The following SGCZ variants were observed in gnomAD, a reference collection of about 807,000 sequenced individuals.
SGCZ encodes the protein zeta-sarcoglycan.
A neutral mutation model predicts 41.3 loss-of-function variants in SGCZ; 40 were observed. That is an observed-to-expected ratio of 0.97 (90% CI 0.75 to 1.26). The LOEUF (loss-of-function observed/expected upper bound fraction) is 1.26, where lower values mean the gene tolerates loss of function less well. Among genes scored for constraint, SGCZ ranks in the 50% most tolerant of loss-of-function variants. The pLI is 0.00. For synonymous variants in SGCZ, 206 were observed against 137.5 expected (o/e 1.50, Z -3.49); for missense variants, 552 against 369.8 (o/e 1.49, Z -4.04).
At chr8:14,749,597 G>C (rs150976171) in intron 1 of SGCZ, among the ~76,000 whole-genome samples, 149 of 152,098 alleles carry the variant, frequency 9.8e-4, no homozygotes, top group African/African-American at 3.5e-3. Flanking sequence ...TCTATTCTGG[G>C]ACATTTTTCA....
intron 4 of SGCZ, among the ~76,000 whole-genome samples, chr8:14,193,310 C>T (rs1805163529): frequency 1.4e-5 from 2 of 141,154 alleles, no homozygotes. Flanking sequence ...TCATCTCCCT[C>T]TTTCCTATAA....
chr8:14,663,117 C>T (rs765528873), intron 1 of SGCZ, among the ~76,000 whole-genome samples: 1 of 152,104 alleles, frequency 6.6e-6, no homozygotes, highest in Non-Finnish European at 1.5e-5. Flanking sequence ...ACATTGGTGT[C>T]TTTTAAGCCA....
intron 3 of SGCZ, among the ~76,000 whole-genome samples, chr8:14,261,780 T>C (rs1277158553): frequency 6.6e-6 from 1 of 152,094 alleles, no homozygotes; most frequent in Non-Finnish European, 1.5e-5. Flanking sequence ...AATAAATTAT[T>C]CCATTTCATT....
intron 1 of SGCZ, among the ~76,000 whole-genome samples, chr8:15,174,528 T>C (rs1422690973): frequency 2.0e-5 from 3 of 152,186 alleles, no homozygotes; most frequent in African/African-American, 4.8e-5. Context: ...GTAATATAAA[T>C]ATACCTATAA....
At chr8:15,115,250 G>C (rs73205465) in intron 1 of SGCZ, among the ~76,000 whole-genome samples, 1,939 of 152,184 alleles carry the variant, frequency 0.013, 13 homozygotes, top group Non-Finnish European at 0.021. Context: ...TGGAAACATA[G>C]AAGAGGCACG....
chr8:14,710,667 TC>T (rs1809487322), intron 1 of SGCZ, among the ~76,000 whole-genome samples: 1 of 152,078 alleles, frequency 6.6e-6, no homozygotes, highest in Admixed American at 6.6e-5. Flanking sequence ...TAAAATATTT[TC>T]AGGACACATA....
intron 1 of SGCZ, among the ~76,000 whole-genome samples, chr8:14,618,305 TA>T (rs372826713): frequency 1.4e-4 from 22 of 152,164 alleles, no homozygotes; most frequent in African/African-American, 5.1e-4. Flanking sequence ...AGGGGTTGAA[TA>T]GAGCCCATTG....
At chr8:14,793,605 C>T (rs903726537) in intron 1 of SGCZ, among the ~76,000 whole-genome samples, 3 of 152,074 alleles carry the variant, frequency 2.0e-5, no homozygotes, top group Non-Finnish European at 4.4e-5. Flanking sequence ...ATGCACAGGG[C>T]AAATTCCTCA....
chr8:14,093,971 G>A (rs1314972029), intron 7 of SGCZ, among the ~76,000 whole-genome samples: 2 of 151,844 alleles, frequency 1.3e-5, no homozygotes, highest in Non-Finnish European at 2.9e-5. Context: ...CATCCATATA[G>A]AATAGGGCAT....
rs994908409 is a variant in SGCZ, at chr8:14,104,918, T to C, written c.621-2419A>G. Among the ~76,000 whole-genome samples the C allele has an allele frequency of 6.6e-5, 10 of 152,138 alleles. 1 individual carries two copies. The highest frequency in any genetic ancestry group is 1.3e-4 in the Non-Finnish European group (9 of 67,984). On this transcript the variant is annotated intron_variant, in intron 6 of 7. Transcript: ENST00000382080. ...AAATGAATTAACATTTATTTTCTTA[T>C]TCAGTAGTTAATGGATCTCAGATCC...
rs1230313519 is a variant in SGCZ at position 14,254,659 on chromosome 8, T to C, written c.337-16980A>G. ...TAAGAACATTAACAAGATAAAATAT[T>C]TTAAATGTCATCCTTTCCACTAAAC... On this transcript the variant is annotated intron_variant, in intron 3 of 7. Coordinates refer to ENST00000382080, the MANE Select transcript of SGCZ (RefSeq NM_139167.4). Among the ~76,000 whole-genome samples the C allele has an allele frequency of 2.6e-5, 4 of 152,206 alleles. 1 individual carries two copies. In the South Asian group the frequency reaches 6.2e-4, roughly 24 times the overall value.
chr8:15,130,475 T>C (rs931905181), intron 1 of SGCZ, among the ~76,000 whole-genome samples: 3 of 152,190 alleles, frequency 2.0e-5, no homozygotes, highest in African/African-American at 7.2e-5. Flanking sequence ...ACAGGAAATG[T>C]TCTATATCCA....
At chr8:14,190,072 G>A (rs1805045373) in intron 4 of SGCZ, among the ~76,000 whole-genome samples, 1 of 135,714 alleles carries the variant, frequency 7.4e-6, no homozygotes. Flanking sequence ...GAGTGCAGTG[G>A]CGCCATCTTG....
intron 5 of SGCZ, among the ~76,000 whole-genome samples, chr8:14,134,954 A>G (rs749713598): frequency 6.6e-6 from 1 of 152,202 alleles, no homozygotes; most frequent in Non-Finnish European, 1.5e-5. Flanking sequence ...TATTATTGAA[A>G]CACACAGTAG....
chr8:14,760,767 A>G (rs1297793846), intron 1 of SGCZ, among the ~76,000 whole-genome samples: 4 of 152,206 alleles, frequency 2.6e-5, no homozygotes, highest in East Asian at 1.9e-4. Flanking sequence ...CACAGAAATT[A>G]TCTCTAATGT....
chr8:14,560,392 G>A (rs969793988), intron 1 of SGCZ, among the ~76,000 whole-genome samples: 1 of 151,804 alleles, frequency 6.6e-6, no homozygotes, highest in Admixed American at 6.6e-5. Context: ...AAGATTAAAG[G>A]AGCTCTGGGG....
intron 2 of SGCZ, among the ~76,000 whole-genome samples, chr8:14,490,633 CCAAT>C (rs1801816032): frequency 6.6e-6 from 1 of 152,130 alleles, no homozygotes; most frequent in South Asian, 2.1e-4. Context: ...GATCATCCAA[CCAAT>C]CATTTATTGA....
intron 1 of SGCZ, among the ~76,000 whole-genome samples, chr8:14,562,163 A>G (rs1432850806): frequency 6.6e-6 from 1 of 152,148 alleles, no homozygotes; most frequent in Non-Finnish European, 1.5e-5. Context: ...AAAATAGTTC[A>G]AAATATTAGT....
chr8:14,610,530 G>A (rs1360088038), intron 1 of SGCZ, among the ~76,000 whole-genome samples: 2 of 152,042 alleles, frequency 1.3e-5, no homozygotes, highest in Non-Finnish European at 2.9e-5. Flanking sequence ...GGGCTCTTGT[G>A]TCACATAAAA....
Sources: gnomAD v4.1 joint callset for allele counts (sites outside exome capture counted in the v4.1 genomes callset) on GRCh38, gnomAD v4.1.1 for gene constraint, MANE v1.5 for transcripts, NCBI Gene and HGNC (gene_info 2026-07-23, HGNC 2026-07-21) for gene names.